Variants in LIPT2 observed in about 807,000 individuals in gnomAD.
The protein encoded by LIPT2 is octanoyl-[acyl-carrier-protein]:protein N-octanoyltransferase LIPT2, mitochondrial.
In LIPT2, 16 loss-of-function variants were observed where a neutral mutation model predicts 16.2. The ratio of observed to expected loss-of-function variants is 0.99; its 90% CI spans 0.67 to 1.50. LIPT2 has a LOEUF of 1.50. LIPT2 is among the 40% of genes most tolerant of loss of function. The pLI, the probability that LIPT2 is intolerant of heterozygous loss-of-function variation, is 0.00. For missense variants in LIPT2, 424 were observed against 347.7 expected (o/e 1.22, Z -1.75); for synonymous variants, 199 against 169.3 (o/e 1.18, Z -1.36).
rs1442730380 is a variant in LIPT2, at chr11:74,493,255, C to G, written c.449G>C (p.Arg150Pro). 1.5e-6 allele frequency: 2 copies of G among 1,354,134 alleles called. No individual in the cohort carries two copies. Among genetic ancestry groups the G allele is most frequent in the Non-Finnish European group, 1.9e-6 (2 of 1,054,232 alleles). The allele number at this position is 1,354,134 out of a possible 1,614,324, so 83.9% of individuals were successfully genotyped here. Reference protein sequence around the residue: ...PPYTGVWLDDRKICAIGVRCG... With the variant: ...PPYTGVWLDDPKICAIGVRCG... ...GCGCTCACCGATCGCGCAGATCTTG[C>G]GATCGTCTAGCCAGACGCCAGTGTA... is the stretch of plus-strand genomic sequence containing the variant. The change falls in exon 1 of 2, where the codon CGC becomes CCC. Residue 150 changes from arginine to proline, a missense_variant. Physicochemically the swap from Arg to Pro is moderately radical, Grantham distance 103. Coordinates refer to ENST00000310109, the MANE Select transcript of LIPT2 (RefSeq NM_001144869.3).
chr11:74,493,492 G>A lies in LIPT2; in HGVS notation c.212C>T (p.Ala71Val), dbSNP rs771045854. Reference protein sequence around the residue: ...LRGGLTPEETARLRALGAEVR... With the variant: ...LRGGLTPEETVRLRALGAEVR... ...CTCGGCGCCCAAGGCCCGTAGCCGC[G>A]CAGTTTCCTCGGGCGTCAGGCCGCC... The change falls in exon 1 of 2, where the codon GCG becomes GTG. Residue 71 changes from alanine (A) to valine (V), a missense_variant. Physicochemically the swap from Ala to Val is moderately conservative, Grantham distance 64. Coordinates refer to ENST00000310109, the MANE Select transcript of LIPT2 (RefSeq NM_001144869.3). 1.4e-6 allele frequency: 2 copies of A among 1,449,958 alleles called. No individual in the cohort carries two copies. Among genetic ancestry groups the A allele is most frequent in the South Asian group, 1.3e-5 (1 of 74,562 alleles). The allele number at this position is 1,449,958 out of a possible 1,614,324, so 89.8% of individuals were successfully genotyped here. A position where few individuals can be genotyped will look rare whatever the true frequency, so the allele number is the denominator to read the frequency against.
At position 74,493,660 on chromosome 11, in the gene LIPT2, G is replaced by A. The variant is rs999666888; in HGVS notation, c.44C>T (p.Pro15Leu). 4.9e-6 allele frequency: 7 copies of A among 1,442,362 alleles called. No homozygotes were observed. The highest frequency in any genetic ancestry group is 1.5e-5 in the African/African-American group (1 of 67,334). 89.3% of individuals were successfully genotyped at this position (1,442,362 alleles called of 1,614,324 possible). A position where few individuals can be genotyped will look rare whatever the true frequency, so the allele number is the denominator to read the frequency against. ...AVRLVRLGRV[P>L]YAELLGLQDR... ...CTGCAGCCCCAGTAGCTCGGCGTACGGCACCCGACCCAGGCGCACCAACCG... is the reference window on the plus strand; with the variant it reads ...CTGCAGCCCCAGTAGCTCGGCGTACAGCACCCGACCCAGGCGCACCAACCG... The change falls in exon 1 of 2, where the codon CCG becomes CTG. Residue 15 changes from proline to leucine, a missense_variant. Transcript: ENST00000310109.
chr11:74,492,600 A>C (rs1174272738), intron 1 of LIPT2, among the ~76,000 whole-genome samples: 1 of 151,936 alleles, frequency 6.6e-6, no homozygotes, highest in African/African-American at 2.4e-5. Flanking sequence ...ACAGATTCCA[A>C]TACTTAAAAA....
At position 74,493,318 on chromosome 11, in the gene LIPT2, A is replaced by AG; in HGVS notation, c.385dup (p.Leu129ProfsTer52). ...CGCGCGGGCGTCCTGCAGGCCCTGG[A>AG]GCTCGCACAGGCGCACGGCGCACGC... On this transcript the variant is annotated frameshift_variant, in exon 1 of 2. Transcript: ENST00000310109. LOFTEE classifies it high-confidence loss of function. The AG allele has an allele frequency of 6.8e-7, 1 of 1,465,684 alleles. No individual in the cohort carries two copies. Among genetic ancestry groups the AG allele is most frequent in the Non-Finnish European group, 9.0e-7 (1 of 1,111,646 alleles). The allele number at this position is 1,465,684 out of a possible 1,614,324, so 90.8% of individuals were successfully genotyped here.
At position 74,491,004 on chromosome 11, in the gene LIPT2, G is replaced by A. The variant is rs1296357681; in HGVS notation, c.*1131C>T. On this transcript the variant is annotated 3_prime_UTR_variant, in exon 2 of 2. Transcript: ENST00000310109. ...GCCCTAGTGCAGTCCCTTCCACACT[G>A]AACAGGGCTCATCTGTTAGAAGACT... 6.6e-6 allele frequency among the ~76,000 whole-genome samples: 1 copy of A among 152,186 alleles called. No homozygotes were observed. Among genetic ancestry groups the A allele is most frequent in the Non-Finnish European group, 1.5e-5 (1 of 68,034 alleles).
rs1374627074 is a variant in LIPT2, at chr11:74,493,378, C to CCGAGACGCCGCAGGT, written c.311_325dup (p.Asp104_Leu108dup). 1 of 1,513,552 alleles carries CCGAGACGCCGCAGGT rather than the reference C, an allele frequency of 6.6e-7. No individual in the cohort carries two copies. The allele number at this position is 1,513,552 out of a possible 1,614,324, so 93.8% of individuals were successfully genotyped here. A position where few individuals can be genotyped will look rare whatever the true frequency, so the allele number is the denominator to read the frequency against. ...CGCTACGTGCATGCGCAAGCGCAGG[C>CCGAGACGCCGCAGGT]CGAGACGCCGCAGGTCGAGTACCGG... On this transcript the variant is annotated inframe_insertion, in exon 1 of 2. Transcript: ENST00000310109.
At chr11:74,492,912 A>C (rs1173870116) in intron 1 of LIPT2, among the ~76,000 whole-genome samples, 1 of 151,822 alleles carries the variant, frequency 6.6e-6, no homozygotes. Context: ...TCAAAAAAAA[A>C]AAAAAAAAAA....
intron 1 of LIPT2, among the ~76,000 whole-genome samples, chr11:74,492,668 G>A (rs928900649): frequency 1.3e-5 from 2 of 151,884 alleles, no homozygotes; most frequent in Admixed American, 6.5e-5. Flanking sequence ...CATTTTGGGA[G>A]GCCGAGGCGG....
chr11:74,490,659 G>C lies in LIPT2; in HGVS notation c.*1476C>G, dbSNP rs1411378206. 6.6e-6 allele frequency among the ~76,000 whole-genome samples: 1 copy of C among 152,044 alleles called. No homozygotes were observed. The highest frequency in any genetic ancestry group is 1.5e-5 in the Non-Finnish European group (1 of 68,006). On this transcript the variant is annotated 3_prime_UTR_variant, in exon 2 of 2. Coordinates refer to ENST00000310109, the MANE Select transcript of LIPT2 (RefSeq NM_001144869.3). ...AAGGATCCCTTGAGCCCAGGAGTCTGAGACCAGCTTGGGCAACATAGCAAA... is the reference window on the plus strand; with the variant it reads ...AAGGATCCCTTGAGCCCAGGAGTCTCAGACCAGCTTGGGCAACATAGCAAA...
intron 1 of LIPT2, 41 bp from the exon 2 acceptor site, chr11:74,492,405 A>C: frequency 7.5e-7 from 1 of 1,331,032 alleles, no homozygotes; most frequent in African/African-American, 1.5e-5. Flanking sequence ...GATACCCTCC[A>C]CTCTCCGGGC....
At position 74,491,308 on chromosome 11, in the gene LIPT2, T is replaced by A. The variant is rs1864330684; in HGVS notation, c.*827A>T. Among the ~76,000 whole-genome samples the A allele has an allele frequency of 6.6e-6, 1 of 152,204 alleles. No homozygotes were observed. The highest frequency in any genetic ancestry group is 1.5e-5 in the Non-Finnish European group (1 of 68,034). On this transcript the variant is annotated 3_prime_UTR_variant, in exon 2 of 2. Coordinates refer to ENST00000310109, the MANE Select transcript of LIPT2 (RefSeq NM_001144869.3). Reference sequence around the variant, plus strand: ...TCCAGCTGACATCTTAACTGCAAGTTCGTGTGAGACCCTAACCTAGAAACA... The same window carrying A: ...TCCAGCTGACATCTTAACTGCAAGTACGTGTGAGACCCTAACCTAGAAACA...
Position 74,493,400 on chromosome 11 carries a change from C to CCGGGTGGCAAAG in LIPT2, c.292_303dup (p.Leu98_Pro101dup), listed in dbSNP as rs1864396515. 1 of 1,516,286 alleles carries CCGGGTGGCAAAG rather than the reference C, an allele frequency of 6.6e-7. No homozygotes were observed. Among genetic ancestry groups the CCGGGTGGCAAAG allele is most frequent in the East Asian group, 2.6e-5 (1 of 38,542 alleles). The allele number at this position is 1,516,286 out of a possible 1,614,324, so 93.9% of individuals were successfully genotyped here. On this transcript the variant is annotated inframe_insertion, in exon 1 of 2. Transcript: ENST00000310109. The stretch of plus-strand genomic sequence containing the variant: ...AGGCCGAGACGCCGCAGGTCGAGTA[C>CCGGGTGGCAAAG]CGGGTGGCAAAGCAGCTGGCCCGGG...
At chr11:74,492,903 CAAAAAAA>C (rs147536336) in intron 1 of LIPT2, among the ~76,000 whole-genome samples, 73 of 103,504 alleles carry the variant, frequency 7.1e-4, no homozygotes, top group South Asian at 4.5e-3. Context: ...GACTCTGTCT[CAAAAAAA>C]AAAAAAAAAA....
Position 74,492,237 on chromosome 11 carries a change from C to A in LIPT2, c.594G>T (p.Glu198Asp), listed in dbSNP as rs545757946. The A allele has an allele frequency of 6.4e-7, 1 of 1,551,708 alleles. No individual in the cohort carries two copies. The highest frequency in any genetic ancestry group is 2.4e-5 in the East Asian group (1 of 40,900). Reference sequence around the variant, plus strand: ...CTTCCACGGTGACGTGCCTCTGGAGCTCCTTACTCAAGGAAGTGACGCCTG... The same window carrying A: ...CTTCCACGGTGACGTGCCTCTGGAGATCCTTACTCAAGGAAGTGACGCCTG... ...VGTGVTSLSK[E>D]LQRHVTVEEV... Residue 198 changes from glutamate to aspartate, a missense_variant, in exon 2 of 2, where the codon GAG (glutamate) becomes GAT (aspartate). Glu to Asp is a conservative substitution (Grantham distance 45). Coordinates refer to ENST00000310109, the MANE Select transcript of LIPT2 (RefSeq NM_001144869.3).
At chr11:74,492,879 G>A (rs1864375392) in intron 1 of LIPT2, among the ~76,000 whole-genome samples, 1 of 147,262 alleles carries the variant, frequency 6.8e-6, no homozygotes, top group Non-Finnish European at 1.5e-5. Context: ...ACTCCAGCCT[G>A]GGTGACAAAG....
rs1382496401 is a variant in LIPT2 at position 74,493,714 on chromosome 11, G to A, written c.-11C>T. 3.7e-6 allele frequency: 5 copies of A among 1,354,296 alleles called. No individual in the cohort carries two copies. Among genetic ancestry groups the A allele is most frequent in the East Asian group, 3.1e-5 (1 of 32,450 alleles). The allele number at this position is 1,354,296 out of a possible 1,614,324, so 83.9% of individuals were successfully genotyped here. A position where few individuals can be genotyped will look rare whatever the true frequency, so the allele number is the denominator to read the frequency against. ...GGCGGGTTGCCGCATCGTGCCCACC[G>A]TTGCGTCCGCGGGGCCCCGCCCTCT... On this transcript the variant is annotated 5_prime_UTR_variant, in exon 1 of 2. The change creates a new upstream start codon in the 5' untranslated region. Coordinates refer to ENST00000310109, the MANE Select transcript of LIPT2 (RefSeq NM_001144869.3).
chr11:74,493,609 GCCTGCAGCCGCCGCAGCCAGCGGT>G lies in LIPT2; in HGVS notation c.71_94del (p.Asp24_Gln31del), dbSNP rs1173892334. The G allele has an allele frequency of 1.4e-5, 21 of 1,456,498 alleles. No homozygotes were observed. Among genetic ancestry groups the G allele is most frequent in the East Asian group, 3.0e-5 (1 of 33,378 alleles). 90.2% of individuals were successfully genotyped at this position (1,456,498 alleles called of 1,614,324 possible). A position where few individuals can be genotyped will look rare whatever the true frequency, so the allele number is the denominator to read the frequency against. ...CGACGGGGCCTCAATGCCTGGCTCG[GCCTGCAGCCGCCGCAGCCAGCGGT>G]CCTGCAGCCCCAGTAGCTCGGCGTA... is the stretch of plus-strand genomic sequence containing the variant. On this transcript the variant is annotated inframe_deletion, in exon 1 of 2. Coordinates refer to ENST00000310109, the MANE Select transcript of LIPT2 (RefSeq NM_001144869.3).
chr11:74,493,713 C>A lies in LIPT2; in HGVS notation c.-10G>T. ...CGGCGGGTTGCCGCATCGTGCCCAC[C>A]GTTGCGTCCGCGGGGCCCCGCCCTC... On this transcript the variant is annotated 5_prime_UTR_variant, in exon 1 of 2. Transcript: ENST00000310109. 2 of 1,355,696 alleles carry A rather than the reference C, an allele frequency of 1.5e-6. No homozygotes were observed. The highest frequency in any genetic ancestry group is 1.9e-6 in the Non-Finnish European group (2 of 1,061,276). 84.0% of individuals were successfully genotyped at this position (1,355,696 alleles called of 1,614,324 possible). A position where few individuals can be genotyped will look rare whatever the true frequency, so the allele number is the denominator to read the frequency against.
chr11:74,493,077 C>T, intron 1 of LIPT2, 161 bp downstream of exon 1: 1 of 444,478 alleles, frequency 2.2e-6, no homozygotes, highest in Non-Finnish European at 3.9e-6. Flanking sequence ...TGAAAAGGGG[C>T]TTAAAAACTC....
Sources: gnomAD v4.1 joint callset for allele counts (sites outside exome capture counted in the v4.1 genomes callset) on GRCh38, gnomAD v4.1.1 for gene constraint, MANE v1.5 for transcripts, NCBI Gene and HGNC (gene_info 2026-07-23, HGNC 2026-07-21) for gene names.